The following NIBAN2 variants were observed in gnomAD, a reference collection of about 807,000 sequenced individuals.
NIBAN2 encodes the protein protein Niban 2.
A neutral mutation model predicts 81.8 loss-of-function variants in NIBAN2; 36 were observed. The ratio of observed to expected loss-of-function variants is 0.44; its 90% CI spans 0.34 to 0.58. NIBAN2 has a LOEUF of 0.58. Among genes scored for constraint, NIBAN2 ranks in the 20% least tolerant of loss-of-function variants. NIBAN2 has a pLI of 0.02. For missense variants in NIBAN2, 897 were observed against 1,014.1 expected, an observed-to-expected ratio of 0.88 and a Z score of 1.57; for synonymous variants, 445 against 441.6, an observed-to-expected ratio of 1.01 and a Z score of -0.10.
rs941239308 is a variant in NIBAN2 at position 127,564,224 on chromosome 9, C to T, written c.55+4596G>A. Among the ~76,000 whole-genome samples the T allele has an allele frequency of 2.7e-5, 4 of 148,834 alleles. No individual in the cohort carries two copies. The Admixed American group carries it at 2.7e-4, about 10-fold the overall frequency. The stretch of plus-strand genomic sequence containing the variant: ...AGGAGAATTGCTTGAACCCAGGAGG[C>T]GGAGGTTGCAATGAGCCGAGATCAT... On this transcript the variant is annotated intron_variant, in intron 1 of 13. Transcript: ENST00000373312.
chr9:127,571,417 G>A (rs557897758), upstream of NIBAN2, among the ~76,000 whole-genome samples: 1 of 152,284 alleles, frequency 6.6e-6, no homozygotes, highest in African/African-American at 2.4e-5. Context: ...TGGAAAGGCG[G>A]CCGGGCGCAA....
At chr9:127,519,303 C>T (rs889689753) in intron 5 of NIBAN2, among the ~76,000 whole-genome samples, 1 of 149,938 alleles carries the variant, frequency 6.7e-6, no homozygotes, top group African/African-American at 2.5e-5. Context: ...AGGTAAACCC[C>T]TGAGTGAGGC....
chr9:127,548,488 A>C (rs1274261417), intron 1 of NIBAN2, among the ~76,000 whole-genome samples: 1 of 152,200 alleles, frequency 6.6e-6, no homozygotes, highest in Non-Finnish European at 1.5e-5. Flanking sequence ...GGTCTCTCCA[A>C]GACTCTGCTT....
At position 127,506,863 on chromosome 9, in the gene NIBAN2, C is replaced by T; in HGVS notation, c.2223G>A (p.Gly741=). ...CACTGGCCTAGAACTCAGTCTGCAC[C>T]CCTGCACTGTCCTCGGTGGTGGTGT... ...ALHTTTEDSA[G]VQTEF The change falls in exon 14 of 14, where the codon GGG becomes GGA. Residue 741 remains glycine, a synonymous_variant. Coordinates refer to ENST00000373312, the MANE Select transcript of NIBAN2 (RefSeq NM_022833.4). 1 of 1,611,570 alleles carries T rather than the reference C, an allele frequency of 6.2e-7. No individual in the cohort carries two copies. The highest frequency in any genetic ancestry group is 8.5e-7 in the Non-Finnish European group (1 of 1,178,964).
intron 1 of NIBAN2, among the ~76,000 whole-genome samples, chr9:127,565,896 T>C (rs1462948563): frequency 6.6e-6 from 1 of 150,456 alleles, no homozygotes; most frequent in African/African-American, 2.5e-5. Flanking sequence ...GCCCAGGAGT[T>C]CAAGACCAAC....
At chr9:127,569,314 T>C (rs1588194866), upstream of NIBAN2, among the ~76,000 whole-genome samples, 2 of 148,740 alleles carry the variant, frequency 1.3e-5, no homozygotes, top group African/African-American at 2.5e-5. Flanking sequence ...ACAGGGGCGG[T>C]GGACGCCGGG....
At chr9:127,544,114 C>T (rs1330385452) in intron 1 of NIBAN2, among the ~76,000 whole-genome samples, 1 of 152,154 alleles carries the variant, frequency 6.6e-6, no homozygotes, top group African/African-American at 2.4e-5. Context: ...AGAGCTAGAA[C>T]CATTTGCTGA....
At position 127,507,790 on chromosome 9, in the gene NIBAN2, C is replaced by G; in HGVS notation, c.1654+77G>C. ...GCTTTTCTTTGAGCCTTAGCTGACC[C>G]CCTCAGCTGCCACCACTTCTCAGCT... is the stretch of plus-strand genomic sequence containing the variant. On this transcript the variant is annotated intron_variant, in intron 13 of 13. Coordinates refer to ENST00000373312, the MANE Select transcript of NIBAN2 (RefSeq NM_022833.4). The surrounding 1 kb of genome is among the most constrained non-coding windows in gnomAD (Gnocchi z 6.8). The G allele has an allele frequency of 7.6e-7, 1 of 1,318,214 alleles. No individual in the cohort carries two copies. The highest frequency in any genetic ancestry group is 1.2e-5 in the South Asian group (1 of 83,062). The allele number at this position is 1,318,214 out of a possible 1,614,324, so 81.7% of individuals were successfully genotyped here.
In NIBAN2 at chr9:127,545,168, G is replaced by C. The variant is rs1448196662; in HGVS notation, c.56-13390C>G. On this transcript the variant is annotated intron_variant, in intron 1 of 13. Coordinates refer to ENST00000373312, the MANE Select transcript of NIBAN2 (RefSeq NM_022833.4). The surrounding 1 kb of genome is among the most constrained non-coding windows in gnomAD (Gnocchi z 4.7). ...GTCCCACGTCTACAGTGCCCTCCTA[G>C]CGTCCACCCCTTGTGCCTGGCCAAC... 6.6e-6 allele frequency among the ~76,000 whole-genome samples: 1 copy of C among 152,106 alleles called. No homozygotes were observed. The highest frequency in any genetic ancestry group is 1.5e-5 in the Non-Finnish European group (1 of 67,994).
intron 1 of NIBAN2, among the ~76,000 whole-genome samples, chr9:127,558,752 T>C (rs993337878): frequency 6.6e-6 from 1 of 152,138 alleles, no homozygotes; most frequent in Non-Finnish European, 1.5e-5. Flanking sequence ...AGAAGTGCAA[T>C]TGTCAGCTCC....
At position 127,546,845 on chromosome 9, in the gene NIBAN2, G is replaced by A. The variant is rs561293815; in HGVS notation, c.56-15067C>T. ...TGTCAACAAAAACTACAATTACTAG[G>A]AGCCCCAACTGGGAGAAGCACAGGA... On this transcript the variant is annotated intron_variant, in intron 1 of 13. Coordinates refer to ENST00000373312, the MANE Select transcript of NIBAN2 (RefSeq NM_022833.4). Among the ~76,000 whole-genome samples, 13 of 151,990 alleles carry A rather than the reference G, an allele frequency of 8.6e-5. No homozygotes were observed. In the South Asian group the frequency reaches 2.7e-3, roughly 32 times the overall value.
chr9:127,556,340 T>C (rs1259221477), intron 1 of NIBAN2, among the ~76,000 whole-genome samples: 4 of 148,836 alleles, frequency 2.7e-5, no homozygotes, highest in African/African-American at 1.0e-4. Context: ...ACATCTGCCC[T>C]GCCCCTCTGT....
At chr9:127,577,433 A>G (rs1838023393) in intron 1 of NIBAN2, among the ~76,000 whole-genome samples, 1 of 147,516 alleles carries the variant, frequency 6.8e-6, no homozygotes, top group Non-Finnish European at 1.5e-5. Context: ...TTCCCACACC[A>G]TCCTCCAGAT....
intron 1 of NIBAN2, among the ~76,000 whole-genome samples, chr9:127,578,675 A>AAAAAG (rs1215603271): frequency 1.4e-5 from 2 of 146,452 alleles, no homozygotes; most frequent in Non-Finnish European, 2.9e-5. Context: ...CCTAAAAAAA[A>AAAAAG]AAAAGAAAAG....
chr9:127,568,779 CG>C, intron 1 of NIBAN2, 40 bp downstream of exon 1: 1 of 1,262,896 alleles, frequency 7.9e-7, no homozygotes. Flanking sequence ...CCGGGGGTTC[CG>C]GCAGGCCCCT....
At chr9:127,529,235 G>A (rs554809676) in intron 2 of NIBAN2, among the ~76,000 whole-genome samples, 1 of 152,350 alleles carries the variant, frequency 6.6e-6, no homozygotes, top group East Asian at 1.9e-4. Flanking sequence ...TCCTGGACAA[G>A]TAGCTCCACA....
rs1411360636 is a variant in NIBAN2, at chr9:127,545,526, A to G, written c.56-13748T>C. Among the ~76,000 whole-genome samples the G allele has an allele frequency of 6.6e-6, 1 of 152,190 alleles. No homozygotes were observed. Among genetic ancestry groups the G allele is most frequent in the East Asian group, 1.9e-4 (1 of 5,192 alleles). On this transcript the variant is annotated intron_variant, in intron 1 of 13. Coordinates refer to ENST00000373312, the MANE Select transcript of NIBAN2 (RefSeq NM_022833.4). This position sits in a 1 kb window ranked among gnomAD's most constrained non-coding sequence, Gnocchi z 4.7. ...GGGCAGGGACTCAGTCTGAGGGCAC[A>G]GGCCGTCTGGGTCTCATCACAGAGG... is the stretch of plus-strand genomic sequence containing the variant.
Position 127,531,766 on chromosome 9 carries a change from T to A in NIBAN2, c.68A>T (p.Lys23Met), listed in dbSNP as rs1837188553. The change falls in exon 2 of 14, where the codon AAG becomes ATG. Residue 23 changes from lysine (K) to methionine (M), a missense_variant. Transcript: ENST00000373312. Reference protein sequence around the residue: ...RRQHIAEKTGKILTEFLQFYE... With the variant: ...RRQHIAEKTGMILTEFLQFYE... ...GAACTGGAGGAACTCCGTCAGGATC[T>A]TCCCGGTTTTTTCTGGAAGAGAAGG... The A allele has an allele frequency of 2.5e-6, 4 of 1,614,182 alleles. 1 individual carries two copies. The South Asian group carries it at 4.4e-5, about 18-fold the overall frequency.
chr9:127,547,409 C>T (rs532617609), intron 1 of NIBAN2, among the ~76,000 whole-genome samples: 2 of 152,178 alleles, frequency 1.3e-5, no homozygotes, highest in South Asian at 2.1e-4. Context: ...CCCAACTGCT[C>T]GGAAGGTTGA....
Sources: allele counts gnomAD v4.1 joint callset (sites outside exome capture counted in the v4.1 genomes callset), GRCh38; gene constraint gnomAD v4.1.1; non-coding constraint Gnocchi (gnomAD v3.1); transcripts MANE v1.5; gene names NCBI Gene and HGNC (gene_info 2026-07-23, HGNC 2026-07-21).